Variants in ANO2 observed in about 807,000 individuals in gnomAD.
ANO2 encodes anoctamin 2, also known as anoctamin-2.
ANO2 carries 101 observed loss-of-function variants against 124.2 expected under a neutral mutation model. The observed-to-expected ratio is 0.81, with a 90% CI of 0.69 to 0.96. The LOEUF is 0.96. Among genes scored for constraint, ANO2 ranks in the 40% least tolerant of loss-of-function variants. ANO2 has a pLI of 0.00. For synonymous variants in ANO2, 486 were observed against 482.5 expected, an observed-to-expected ratio of 1.01 and a Z score of -0.09; for missense variants, 1,293 against 1,274.5, an observed-to-expected ratio of 1.01 and a Z score of -0.22.
intron 3 of ANO2, among the ~76,000 whole-genome samples, chr12:5,868,386 C>A (rs1044732707): frequency 1.3e-5 from 2 of 152,126 alleles, no homozygotes; most frequent in East Asian, 3.9e-4. Context: ...TGATATGTAA[C>A]ATGATCTCTC....
In ANO2 at chr12:5,819,831, C is replaced by T. The variant is rs375966536; in HGVS notation, c.892+7938G>A. Among the ~76,000 whole-genome samples, 3 of 142,690 alleles carry T rather than the reference C, an allele frequency of 2.1e-5. No individual in the cohort carries two copies. In the East Asian group the frequency reaches 6.2e-4, roughly 29 times the overall value. The allele number at this position is 142,690 out of a possible 152,430, so 93.6% of individuals were successfully genotyped here. On this transcript the variant is annotated intron_variant, in intron 7 of 24. Coordinates refer to ENST00000682330, the MANE Select transcript of ANO2 (RefSeq NM_001364791.2). Reference sequence around the variant, plus strand: ...TAAATACAATGGGAATAATTGGATCCTGAAGTGGCAGGGGCCAAGTGGCAG... The same window carrying T: ...TAAATACAATGGGAATAATTGGATCTTGAAGTGGCAGGGGCCAAGTGGCAG...
chr12:5,674,371 C>T (rs975379614), intron 14 of ANO2, among the ~76,000 whole-genome samples: 1 of 152,142 alleles, frequency 6.6e-6, no homozygotes, highest in Non-Finnish European at 1.5e-5. Flanking sequence ...GGGCTCTCAT[C>T]CTAATTCTTC....
chr12:5,570,902 T>C (rs1341734210), intron 23 of ANO2, among the ~76,000 whole-genome samples: 1 of 151,932 alleles, frequency 6.6e-6, no homozygotes, highest in Non-Finnish European at 1.5e-5. Context: ...AATTAGGAAC[T>C]AATGAGTAGC....
At chr12:5,723,314 A>G (rs1950310162) in intron 14 of ANO2, among the ~76,000 whole-genome samples, 1 of 152,178 alleles carries the variant, frequency 6.6e-6, no homozygotes, top group African/African-American at 2.4e-5. Flanking sequence ...GGAGGCTGCT[A>G]GGCAAGGACT....
At chr12:5,661,230 A>G (rs1947424418) in intron 14 of ANO2, among the ~76,000 whole-genome samples, 1 of 151,998 alleles carries the variant, frequency 6.6e-6, no homozygotes, top group Admixed American at 6.6e-5. Context: ...GTCACATAGA[A>G]TTTCTTAGTC....
chr12:5,896,167 G>A (rs12317039), intron 3 of ANO2, among the ~76,000 whole-genome samples: 16,764 of 152,086 alleles, frequency 0.11, 2,125 homozygotes, highest in African/African-American at 0.31. Flanking sequence ...ATTGGGTACA[G>A]TGTACACTGC....
At chr12:5,886,722 T>C (rs904682977) in intron 3 of ANO2, among the ~76,000 whole-genome samples, 3 of 152,242 alleles carry the variant, frequency 2.0e-5, no homozygotes, top group Non-Finnish European at 2.9e-5. Context: ...TACATATTAA[T>C]GTATTTCTTT....
intron 15 of ANO2, among the ~76,000 whole-genome samples, chr12:5,638,580 C>T (rs560993553): frequency 2.3e-4 from 34 of 151,078 alleles, no homozygotes; most frequent in African/African-American, 6.8e-4. Context: ...ATTTTCTGGC[C>T]GCTTATTGTG....
chr12:5,757,497 C>T (rs1017000043), intron 10 of ANO2, among the ~76,000 whole-genome samples: 18 of 152,060 alleles, frequency 1.2e-4, no homozygotes, highest in African/African-American at 3.9e-4. Context: ...AAGCCTGTGA[C>T]GTAAAACACA....
chr12:5,703,372 T>C (rs139776949), intron 14 of ANO2, among the ~76,000 whole-genome samples: 231 of 152,248 alleles, frequency 1.5e-3, no homozygotes, highest in South Asian at 8.7e-3. Context: ...AGAGCAGTGG[T>C]AACGTCAAGG....
chr12:5,618,552 A>C (rs1944955248), intron 16 of ANO2, among the ~76,000 whole-genome samples: 3 of 152,192 alleles, frequency 2.0e-5, no homozygotes, highest in Admixed American at 6.5e-5. Flanking sequence ...GACAGGTGTA[A>C]GATGTGAACC....
Position 5,635,760 on chromosome 12 carries a change from A to T in ANO2, c.1621-413T>A, listed in dbSNP as rs1231709286. On this transcript the variant is annotated intron_variant, in intron 15 of 24. Coordinates refer to ENST00000682330, the MANE Select transcript of ANO2 (RefSeq NM_001364791.2). The surrounding 1 kb of genome is among the most constrained non-coding windows in gnomAD (Gnocchi z 5.2). The stretch of plus-strand genomic sequence containing the variant: ...AAATAAACCATAGTAAATAATGCCC[A>T]AGAAGGTATTAAGTGCTAAATGAGG... 6.6e-6 allele frequency among the ~76,000 whole-genome samples: 1 copy of T among 152,182 alleles called. No homozygotes were observed. Among genetic ancestry groups the T allele is most frequent in the Non-Finnish European group, 1.5e-5 (1 of 68,030 alleles).
intron 12 of ANO2, among the ~76,000 whole-genome samples, chr12:5,741,331 T>A (rs146870189): frequency 6.6e-6 from 1 of 152,364 alleles, no homozygotes; most frequent in African/African-American, 2.4e-5. Context: ...TACATTATGG[T>A]GCACTGATGT....
intron 20 of ANO2, among the ~76,000 whole-genome samples, chr12:5,585,964 C>T (rs192499681): frequency 5.9e-5 from 9 of 152,296 alleles, no homozygotes; most frequent in East Asian, 5.8e-4. Flanking sequence ...TAAGAAAACT[C>T]GGGGAACCAC....
chr12:5,595,156 ATTC>A (rs1943596139), intron 20 of ANO2, among the ~76,000 whole-genome samples: 1 of 152,078 alleles, frequency 6.6e-6, no homozygotes, highest in Non-Finnish European at 1.5e-5. Flanking sequence ...GCATTCATTC[ATTC>A]CCTCATCTTT....
intron 20 of ANO2, among the ~76,000 whole-genome samples, chr12:5,590,425 C>T (rs142239090): frequency 3.4e-4 from 52 of 152,222 alleles, no homozygotes; most frequent in Middle Eastern, 3.4e-3. Flanking sequence ...CAGCCAGGGG[C>T]CTGGAGGATG....
intron 3 of ANO2, among the ~76,000 whole-genome samples, chr12:5,910,368 A>G (rs931185285): frequency 6.6e-6 from 1 of 151,992 alleles, no homozygotes; most frequent in African/African-American, 2.4e-5. Flanking sequence ...TAGTAGAGAC[A>G]GGGTTTCACC....
chr12:5,914,715 T>C (rs557392587), intron 3 of ANO2, among the ~76,000 whole-genome samples: 1 of 152,342 alleles, frequency 6.6e-6, no homozygotes, highest in East Asian at 1.9e-4. Context: ...ATTTCAGCTA[T>C]CTAGCTGCCC....
intron 20 of ANO2, among the ~76,000 whole-genome samples, chr12:5,581,769 A>C (rs1439406247): frequency 6.6e-6 from 1 of 152,154 alleles, no homozygotes; most frequent in Non-Finnish European, 1.5e-5. Context: ...CTGGACCTGA[A>C]GTGACAAGAT....
Sources: allele counts gnomAD v4.1 joint callset (sites outside exome capture counted in the v4.1 genomes callset), GRCh38; gene constraint gnomAD v4.1.1; non-coding constraint Gnocchi (gnomAD v3.1); transcripts MANE v1.5; gene names NCBI Gene and HGNC (gene_info 2026-07-23, HGNC 2026-07-21).